EBF2: variants seen among roughly 807,000 people sequenced by gnomAD.
EBF2 encodes EBF transcription factor 2.
In EBF2, 21 loss-of-function variants were observed where a neutral mutation model predicts 72.8. That is an observed-to-expected ratio of 0.29 (90% CI 0.20 to 0.42). The LOEUF (loss-of-function observed/expected upper bound fraction) is 0.42. Ranked by LOEUF, EBF2 falls within the 10% of genes least tolerant of loss-of-function variation. The probability of loss-of-function intolerance (pLI) is 1.00; values close to 1 mark genes in which losing one functional copy is unlikely to be tolerated. For synonymous variants in EBF2, 299 were observed against 274.2 expected (o/e 1.09, Z -0.89); for missense variants, 637 against 731.2 (o/e 0.87, Z 1.49).
At chr8:25,924,977 T>C (rs1803362785) in intron 6 of EBF2, among the ~76,000 whole-genome samples, 1 of 152,206 alleles carries the variant, frequency 6.6e-6, no homozygotes, top group African/African-American at 2.4e-5. Context: ...CTGAGCCTTT[T>C]CCCAGACCTG....
At chr8:25,865,571 C>T (rs1032183003) in intron 10 of EBF2, among the ~76,000 whole-genome samples, 21 of 152,146 alleles carry the variant, frequency 1.4e-4, no homozygotes, top group African/African-American at 3.9e-4. Context: ...GTCCTCAGCA[C>T]GGTGCTTGGC....
intron 5 of EBF2, 78 bp downstream of exon 5, chr8:26,039,950 C>CCGGGAACG: frequency 6.6e-7 from 1 of 1,526,240 alleles, no homozygotes; most frequent in Non-Finnish European, 9.1e-7. Flanking sequence ...AAAGTTAGTC[C>CCGGGAACG]CGGGAACGCG....
chr8:25,939,412 T>G (rs1048454334), intron 6 of EBF2, among the ~76,000 whole-genome samples: 5 of 152,280 alleles, frequency 3.3e-5, no homozygotes, highest in African/African-American at 4.8e-5. Context: ...GTGTGTGTGT[T>G]TTGCATTTGT....
At chr8:25,868,391 T>A (rs777529021) in intron 10 of EBF2, among the ~76,000 whole-genome samples, 31 of 152,238 alleles carry the variant, frequency 2.0e-4, no homozygotes, top group South Asian at 2.1e-4. Flanking sequence ...CCATTTTTGC[T>A]TCTATAAATT....
At chr8:26,042,509 G>A (rs993279314) in intron 1 of EBF2, among the ~76,000 whole-genome samples, 3 of 152,096 alleles carry the variant, frequency 2.0e-5, no homozygotes, top group Admixed American at 1.3e-4. Context: ...CCCACCGCTG[G>A]GCCACTCACC....
intron 6 of EBF2, among the ~76,000 whole-genome samples, chr8:25,951,397 C>G (rs1803859701): frequency 6.6e-6 from 1 of 152,128 alleles, no homozygotes; most frequent in African/African-American, 2.4e-5. Context: ...GTCCTTTTTT[C>G]TCTGCTCCAG....
chr8:26,039,963 G>C (rs544516518), intron 5 of EBF2, 65 bp downstream of exon 5: 1 of 1,566,436 alleles, frequency 6.4e-7, no homozygotes, highest in African/African-American at 1.4e-5. Context: ...GGAACGCGGC[G>C]CGCCAAGGCG....
chr8:26,034,707 G>A (rs1386721131), intron 5 of EBF2, among the ~76,000 whole-genome samples: 2 of 152,196 alleles, frequency 1.3e-5, no homozygotes, highest in African/African-American at 4.8e-5. Flanking sequence ...AGTTGGCTAA[G>A]GATGTAGCCT....
At chr8:25,910,224 G>A (rs1193055142) in intron 6 of EBF2, among the ~76,000 whole-genome samples, 1 of 152,174 alleles carries the variant, frequency 6.6e-6, no homozygotes, top group East Asian at 1.9e-4. Flanking sequence ...ATTTCTTGAA[G>A]GGTAAACATC....
intron 6 of EBF2, among the ~76,000 whole-genome samples, chr8:25,917,541 C>T (rs1803239929): frequency 6.6e-6 from 1 of 152,128 alleles, no homozygotes; most frequent in Non-Finnish European, 1.5e-5. Flanking sequence ...TCTGTCTTCT[C>T]ATCCAGAAAA....
chr8:26,025,792 G>T (rs750511511), intron 6 of EBF2, among the ~76,000 whole-genome samples: 3 of 152,080 alleles, frequency 2.0e-5, no homozygotes, highest in Non-Finnish European at 2.9e-5. Context: ...GATCATGAAA[G>T]AATGATGCAT....
intron 1 of EBF2, among the ~76,000 whole-genome samples, chr8:26,043,304 C>T (rs1805640040): frequency 6.6e-6 from 1 of 152,262 alleles, no homozygotes; most frequent in Non-Finnish European, 1.5e-5. Context: ...GGTGCGCAAG[C>T]ACCTTCATTC....
chr8:26,040,988 C>T lies in EBF2; in HGVS notation c.303G>A (p.Glu101=). 1 of 1,614,204 alleles carries T rather than the reference C, an allele frequency of 6.2e-7. No homozygotes were observed. Among genetic ancestry groups the T allele is most frequent in the South Asian group, 1.1e-5 (1 of 91,060 alleles). The change falls in exon 3 of 16, where the codon GAG becomes GAA. Residue 101 remains glutamate, a synonymous_variant. Transcript: ENST00000520164. The part of the protein sequence containing the change: ...FVENDKEQGN[E]KTNNGTHYKL... ...TGTAGTGAGTGCCGTTGTTGGTCTT[C>T]TCGTTGCCTTGTTCCTGAAAAGACA...
intron 6 of EBF2, among the ~76,000 whole-genome samples, chr8:25,965,512 A>G (rs551776319): frequency 5.9e-5 from 9 of 152,174 alleles, no homozygotes; most frequent in African/African-American, 1.9e-4. Flanking sequence ...AAAATAATAT[A>G]TGAAGTGAAA....
At chr8:26,043,784 C>T (rs1049514540) in intron 1 of EBF2, among the ~76,000 whole-genome samples, 2 of 152,190 alleles carry the variant, frequency 1.3e-5, no homozygotes, top group African/African-American at 4.8e-5. Flanking sequence ...GGAAGAAGTT[C>T]ATCGGCTCTT....
intron 6 of EBF2, among the ~76,000 whole-genome samples, chr8:26,010,110 T>G (rs1804952140): frequency 6.6e-6 from 1 of 152,206 alleles, no homozygotes; most frequent in Non-Finnish European, 1.5e-5. Flanking sequence ...AAAAGGAGCC[T>G]GAGGTCATGG....
chr8:26,017,151 A>AT (rs922786984), intron 6 of EBF2, among the ~76,000 whole-genome samples: 46 of 136,380 alleles, frequency 3.4e-4, no homozygotes, highest in African/African-American at 1.2e-3. Flanking sequence ...CAGTCCCCTT[A>AT]TTTAAAAAAA....
intron 7 of EBF2, among the ~76,000 whole-genome samples, chr8:25,905,448 AACTG>A (rs753486514): frequency 1.5e-4 from 23 of 152,350 alleles, no homozygotes; most frequent in Admixed American, 3.3e-4. Context: ...AACGTCCACT[AACTG>A]ACTAATGAAT....
chr8:26,013,193 T>C (rs1484141800), intron 6 of EBF2, among the ~76,000 whole-genome samples: 1 of 152,208 alleles, frequency 6.6e-6, no homozygotes, highest in African/African-American at 2.4e-5. Context: ...TTCCAGTTAA[T>C]AGATGTGAAT....
Sources: allele counts gnomAD v4.1 joint callset (sites outside exome capture counted in the v4.1 genomes callset), GRCh38; gene constraint gnomAD v4.1.1; transcripts MANE v1.5; gene names NCBI Gene and HGNC (gene_info 2026-07-23, HGNC 2026-07-21).